The following ADAM23 variants were observed in gnomAD, a reference collection of about 807,000 sequenced individuals.
The protein encoded by ADAM23 is disintegrin and metalloproteinase domain-containing protein 23.
Under a neutral mutation model 120.1 loss-of-function variants are expected in ADAM23, and 33 were observed. The ratio of observed to expected loss-of-function variants is 0.27; its 90% CI spans 0.21 to 0.37. The LOEUF (loss-of-function observed/expected upper bound fraction) is 0.37, where lower values mean the gene tolerates loss of function less well. Ranked by LOEUF, ADAM23 falls within the 10% of genes least tolerant of loss-of-function variation. ADAM23 has a pLI of 1.00. For missense variants in ADAM23, 862 were observed against 1,058.2 expected (o/e 0.81, Z 2.57); for synonymous variants, 367 against 375.2 (o/e 0.98, Z 0.25).
At chr2:206,583,011 A>G (rs1018814490) in intron 18 of ADAM23, among the ~76,000 whole-genome samples, 11 of 152,214 alleles carry the variant, frequency 7.2e-5, no homozygotes, top group Non-Finnish European at 1.5e-4. Context: ...AACTCTGGAT[A>G]ACCTGATGAC....
intron 3 of ADAM23, among the ~76,000 whole-genome samples, chr2:206,525,100 C>G (rs1481728740): frequency 2.0e-5 from 3 of 152,082 alleles, no homozygotes; most frequent in Non-Finnish European, 4.4e-5. Context: ...ATTAATATGC[C>G]TCTTTTCATT....
chr2:206,460,837 C>A (rs911398839), intron 2 of ADAM23, among the ~76,000 whole-genome samples: 14 of 152,004 alleles, frequency 9.2e-5, no homozygotes, highest in Non-Finnish European at 2.1e-4. Flanking sequence ...GAAGGTTTTC[C>A]CCTCTGTTTC....
chr2:206,445,802 G>C (rs927700755), intron 2 of ADAM23, among the ~76,000 whole-genome samples: 2 of 152,210 alleles, frequency 1.3e-5, no homozygotes. Context: ...CAGTAGTTAA[G>C]TGAATGTGTT....
intron 2 of ADAM23, among the ~76,000 whole-genome samples, chr2:206,454,147 A>G (rs1695248344): frequency 6.6e-6 from 1 of 152,222 alleles, no homozygotes; most frequent in South Asian, 2.1e-4. Context: ...AGACTGGGTA[A>G]TTTATGAAGA....
At chr2:206,566,072 AG>A (rs1457632981) in intron 14 of ADAM23, among the ~76,000 whole-genome samples, 1 of 151,926 alleles carries the variant, frequency 6.6e-6, no homozygotes, top group Non-Finnish European at 1.5e-5. Context: ...AGGCTTTTTG[AG>A]GACTACTATA....
rs569720478 is a variant in ADAM23, at chr2:206,564,961, AT to A, written c.1346-58del. The A allele has an allele frequency of 4.0e-4, 638 of 1,592,464 alleles. 2 individuals are homozygous for A. Among genetic ancestry groups the A allele is most frequent in the Middle Eastern group, 8.3e-4 (5 of 6,004 alleles). On this transcript the variant is annotated intron_variant, in intron 13 of 25. Coordinates refer to ENST00000264377, the MANE Select transcript of ADAM23 (RefSeq NM_003812.4). ...TTGTAGGAGTTGTAATACCAAAAAA[AT>A]ATGTGACTTTCTTTGTTTCCTTTTT...
chr2:206,574,172 T>A (rs1051603175), intron 18 of ADAM23, among the ~76,000 whole-genome samples: 4 of 152,174 alleles, frequency 2.6e-5, no homozygotes, highest in Admixed American at 2.0e-4. Flanking sequence ...CAACGTCATC[T>A]TCATCATCAT....
chr2:206,581,885 C>CT (rs977928735), intron 18 of ADAM23, among the ~76,000 whole-genome samples: 43 of 150,694 alleles, frequency 2.9e-4, no homozygotes, highest in Admixed American at 8.6e-4. Flanking sequence ...TCCTTCCTTT[C>CT]TTTTTTTTTG....
chr2:206,586,117 G>A lies in ADAM23; in HGVS notation c.1738-1208G>A, dbSNP rs148001132. On this transcript the variant is annotated intron_variant, in intron 18 of 25. Coordinates refer to ENST00000264377, the MANE Select transcript of ADAM23 (RefSeq NM_003812.4). ...GGTGTGTCCACGTGGACTCACATCA[G>A]CCATGGGTGAACAGAAAATGATGTC... is the stretch of plus-strand genomic sequence containing the variant. 1.6e-3 allele frequency among the ~76,000 whole-genome samples: 248 copies of A among 152,364 alleles called. 1 individual carries two copies. The highest frequency in any genetic ancestry group is 2.7e-3 in the Non-Finnish European group (185 of 68,036).
rs116251654 is a variant in ADAM23, at chr2:206,472,041, A to G, written c.433-9191A>G. Among the ~76,000 whole-genome samples the G allele has an allele frequency of 5.6e-3, 857 of 152,304 alleles. 3 individuals are homozygous for G. Among genetic ancestry groups the G allele is most frequent in the Non-Finnish European group, 7.8e-3 (530 of 68,026 alleles). Reference sequence around the variant, plus strand: ...AACATTAATCACTAACAGTAAATGTATAGAAGACGTTTCATATACATGTCC... The same window carrying G: ...AACATTAATCACTAACAGTAAATGTGTAGAAGACGTTTCATATACATGTCC... On this transcript the variant is annotated intron_variant, in intron 2 of 25. Transcript: ENST00000264377.
chr2:206,455,767 C>T (rs1695285286), intron 2 of ADAM23, among the ~76,000 whole-genome samples: 1 of 152,192 alleles, frequency 6.6e-6, no homozygotes, highest in African/African-American at 2.4e-5. Context: ...ACAGTGCCTC[C>T]AGACTCTTTG....
At chr2:206,486,557 T>C (rs1194141440) in intron 3 of ADAM23, among the ~76,000 whole-genome samples, 1 of 152,146 alleles carries the variant, frequency 6.6e-6, no homozygotes, top group Non-Finnish European at 1.5e-5. Flanking sequence ...TGCTGGTGTT[T>C]TCAGCAAATG....
chr2:206,459,459 C>G (rs1695368158), intron 2 of ADAM23, among the ~76,000 whole-genome samples: 1 of 152,148 alleles, frequency 6.6e-6, no homozygotes, highest in East Asian at 1.9e-4. Context: ...GCCATCAGAT[C>G]TTAAATTTGT....
intron 15 of ADAM23, among the ~76,000 whole-genome samples, chr2:206,568,738 G>A (rs911407878): frequency 1.3e-5 from 2 of 152,192 alleles, no homozygotes; most frequent in Non-Finnish European, 2.9e-5. Flanking sequence ...TACTTCATGA[G>A]TCAAATATAG....
intron 3 of ADAM23, among the ~76,000 whole-genome samples, chr2:206,490,736 A>C (rs981254446): frequency 2.0e-5 from 3 of 152,100 alleles, no homozygotes; most frequent in African/African-American, 7.2e-5. Context: ...TCTGCTTCTA[A>C]ACTTTTTAAT....
rs374108529 is a variant in ADAM23 at position 206,600,024 on chromosome 2, G to A, written c.2359+3862G>A. 8.3e-4 allele frequency among the ~76,000 whole-genome samples: 127 copies of A among 152,240 alleles called. 1 individual carries two copies. The East Asian group carries it at 0.015, about 18-fold the overall frequency. On this transcript the variant is annotated intron_variant, in intron 24 of 25. Coordinates refer to ENST00000264377, the MANE Select transcript of ADAM23 (RefSeq NM_003812.4). ...AGACCATCCTGGCTAACACAGTGAA[G>A]CCTCGTCTCTACTAAAAATACAAAA...
intron 16 of ADAM23, among the ~76,000 whole-genome samples, chr2:206,571,466 C>G (rs900494211): frequency 2.0e-5 from 3 of 151,876 alleles, no homozygotes; most frequent in African/African-American, 7.3e-5. Flanking sequence ...AAGAGCAAGA[C>G]TCCGTCTCAA....
At chr2:206,603,255 A>G (rs1698672228) in intron 24 of ADAM23, among the ~76,000 whole-genome samples, 1 of 152,216 alleles carries the variant, frequency 6.6e-6, no homozygotes, top group Non-Finnish European at 1.5e-5. Context: ...TTGTTTTCAA[A>G]TATGTCCCCT....
rs1450104853 is a variant in ADAM23 at position 206,558,349 on chromosome 2, A to G, written c.1005+851A>G. Among the ~76,000 whole-genome samples, 6 of 152,254 alleles carry G rather than the reference A, an allele frequency of 3.9e-5. No homozygotes were observed. The East Asian group carries it at 1.2e-3, about 29-fold the overall frequency. ...CCTTCTTAAATGCGAAAAAAACCCC[A>G]CCATTTTTTATAAGTTGCCAAATAT... On this transcript the variant is annotated intron_variant, in intron 10 of 25. Transcript: ENST00000264377.
Sources: gnomAD v4.1 joint callset for allele counts (sites outside exome capture counted in the v4.1 genomes callset) on GRCh38, gnomAD v4.1.1 for gene constraint, MANE v1.5 for transcripts, NCBI Gene and HGNC (gene_info 2026-07-23, HGNC 2026-07-21) for gene names.